Variants in RBL1 observed in about 807,000 individuals in gnomAD.
The protein encoded by RBL1 is retinoblastoma-like protein 1.
Under a neutral mutation model 123.0 loss-of-function variants are expected in RBL1, and 82 were observed. The observed-to-expected ratio is 0.67, with a 90% confidence interval of 0.56 to 0.80. The LOEUF (loss-of-function observed/expected upper bound fraction) is 0.80, where lower values mean the gene tolerates loss of function less well. Ranked by LOEUF, RBL1 falls within the 30% of genes least tolerant of loss-of-function variation. The pLI is 0.00. For synonymous variants in RBL1, 405 were observed against 441.3 expected, an observed-to-expected ratio of 0.92 and a Z score of 1.03; for missense variants, 1,171 against 1,299.6, an observed-to-expected ratio of 0.90 and a Z score of 1.52.
At chr20:37,034,440 C>T (rs1175751372) in intron 15 of RBL1, among the ~76,000 whole-genome samples, 2 of 151,672 alleles carry the variant, frequency 1.3e-5, no homozygotes, top group East Asian at 3.9e-4. Context: ...TTGCTCAATA[C>T]ATACATATTG....
At chr20:37,092,083 A>G (rs1415992920) in intron 1 of RBL1, among the ~76,000 whole-genome samples, 1 of 152,104 alleles carries the variant, frequency 6.6e-6, no homozygotes. Flanking sequence ...TCTCTACAAA[A>G]TACAAAAAAA....
intron 16 of RBL1, among the ~76,000 whole-genome samples, chr20:37,027,719 A>C (rs1051110906): frequency 3.9e-5 from 6 of 152,208 alleles, no homozygotes; most frequent in African/African-American, 1.2e-4. Flanking sequence ...AACTGGTCAT[A>C]TGCTAATTTA....
chr20:37,057,004 T>TCTATCTAC (rs1266917133), intron 9 of RBL1, among the ~76,000 whole-genome samples: 20 of 147,620 alleles, frequency 1.4e-4, no homozygotes, highest in South Asian at 2.2e-4. Flanking sequence ...TATCTATCTA[T>TCTATCTAC]CTACCTACCT....
In RBL1 at chr20:37,095,975, TCCCTC is replaced by T. The variant is rs1272687217; in HGVS notation, c.-52_-48del. ...CGCGCCACGGCCCCCGACTTCTTTC[TCCCTC>T]CCAGGCGCGCTACCCACAACCACCT... On this transcript the variant is annotated 5_prime_UTR_variant, in exon 1 of 22. Coordinates refer to ENST00000373664, the MANE Select transcript of RBL1 (RefSeq NM_002895.5). 1 of 1,419,648 alleles carries T rather than the reference TCCCTC, an allele frequency of 7.0e-7. No individual in the cohort carries two copies. Among genetic ancestry groups the T allele is most frequent in the Non-Finnish European group, 9.3e-7 (1 of 1,071,022 alleles). 87.9% of individuals were successfully genotyped at this position (1,419,648 alleles called of 1,614,324 possible). A position where few individuals can be genotyped will look rare whatever the true frequency, so the allele number is the denominator to read the frequency against.
In RBL1 at chr20:37,056,405, A is replaced by C. The variant is rs186893780; in HGVS notation, c.1251-147T>G. 711 of 1,265,724 alleles carry C rather than the reference A, an allele frequency of 5.6e-4. 10 individuals are homozygous for C. In the African/African-American group the frequency reaches 0.012, roughly 21 times the overall value. The allele number at this position is 1,265,724 out of a possible 1,614,324, so 78.4% of individuals were successfully genotyped here. A position where few individuals can be genotyped will look rare whatever the true frequency, so the allele number is the denominator to read the frequency against. On this transcript the variant is annotated intron_variant, in intron 9 of 21. Transcript: ENST00000373664. ...AGTCTCGCTCTGTAACCCAGGCTGGAGTGCAGTGGTGCGATCTCAGTTCAC... is the reference window on the plus strand; with the variant it reads ...AGTCTCGCTCTGTAACCCAGGCTGGCGTGCAGTGGTGCGATCTCAGTTCAC...
At chr20:37,056,351 C>CTTTTT (rs199931898) in intron 9 of RBL1, 93 bp from the exon 10 acceptor site, 71 of 971,924 alleles carry the variant, frequency 7.3e-5, no homozygotes, top group Middle Eastern at 4.7e-4. Context: ...CCTTCTTCTT[C>CTTTTT]TTTTTTTTTT....
intron 21 of RBL1, among the ~76,000 whole-genome samples, chr20:37,000,328 AG>A (rs2063948600): frequency 1.3e-5 from 2 of 149,606 alleles, no homozygotes; most frequent in African/African-American, 2.5e-5. Context: ...GGTGGGGGTC[AG>A]CCCCCCACCC....
At chr20:37,068,880 G>A (rs997021075) in intron 2 of RBL1, among the ~76,000 whole-genome samples, 11 of 152,242 alleles carry the variant, frequency 7.2e-5, no homozygotes, top group Admixed American at 1.3e-4. Context: ...CTCTTTCCAC[G>A]GTCTCCCTCT....
rs184657556 is a variant in RBL1, at chr20:37,048,275, C to T, written c.1468-1085G>A. ...GTGGGTGATCTGAAAGTCTTAGGAT[C>T]CTCAGGTCCCCACACAACCCCCACT... On this transcript the variant is annotated intron_variant, in intron 11 of 21. Coordinates refer to ENST00000373664, the MANE Select transcript of RBL1 (RefSeq NM_002895.5). 3.9e-5 allele frequency among the ~76,000 whole-genome samples: 6 copies of T among 152,226 alleles called. No individual in the cohort carries two copies. In the East Asian group the frequency reaches 1.2e-3, roughly 29 times the overall value.
At chr20:37,043,372 A>T (rs2064765696) in intron 13 of RBL1, among the ~76,000 whole-genome samples, 1 of 151,458 alleles carries the variant, frequency 6.6e-6, no homozygotes, top group Non-Finnish European at 1.5e-5. Flanking sequence ...GGGTGCCTAT[A>T]ATCCCAGCTA....
chr20:37,083,187 G>T (rs1020574056), intron 2 of RBL1, among the ~76,000 whole-genome samples: 1 of 152,026 alleles, frequency 6.6e-6, no homozygotes, highest in African/African-American at 2.4e-5. Context: ...TTTGCGGAAG[G>T]CTGGGCGCGG....
rs150852134 is a variant in RBL1, at chr20:37,032,741, G to A, written c.2306C>T (p.Thr769Ile). ...IGASPKQTNL[T>I]KAQEVHSTGI... Reference sequence around the variant, plus strand: ...AGTTGAATGTACCTCTTGTGCTTTAGTCAGATTGGTCTGTTTTGGAGAAGC... The same window carrying A: ...AGTTGAATGTACCTCTTGTGCTTTAATCAGATTGGTCTGTTTTGGAGAAGC... The change falls in exon 16 of 22, where the codon ACT (threonine) becomes ATT (isoleucine). Residue 769 changes from threonine (T) to isoleucine (I), a missense_variant. Physicochemically the swap from Thr to Ile is moderately conservative, Grantham distance 89. Coordinates refer to ENST00000373664, the MANE Select transcript of RBL1 (RefSeq NM_002895.5). The A allele has an allele frequency of 5.9e-5, 95 of 1,614,034 alleles. No homozygotes were observed. The African/African-American group carries it at 1.1e-3, about 19-fold the overall frequency.
At chr20:37,003,512 CAAT>C (rs761051130) in intron 21 of RBL1, 187 bp downstream of exon 21, 10 of 1,108,448 alleles carry the variant, frequency 9.0e-6, no homozygotes, top group Middle Eastern at 3.4e-4. Context: ...AATACCATGT[CAAT>C]AATAATGGAT....
chr20:37,045,081 C>CTTACTTATTTAT (rs1555857366), intron 12 of RBL1, among the ~76,000 whole-genome samples: 188 of 146,226 alleles, frequency 1.3e-3, no homozygotes, highest in African/African-American at 2.5e-3. Context: ...CATTTATTTA[C>CTTACTTATTTAT]TTATTTATTT....
intron 2 of RBL1, among the ~76,000 whole-genome samples, chr20:37,080,745 C>T (rs1166316671): frequency 6.6e-6 from 1 of 152,150 alleles, no homozygotes; most frequent in African/African-American, 2.4e-5. Flanking sequence ...AGGTGTGAGC[C>T]ACCACGCCTG....
intron 2 of RBL1, among the ~76,000 whole-genome samples, chr20:37,084,929 C>T (rs2065516078): frequency 6.6e-6 from 1 of 151,888 alleles, no homozygotes; most frequent in Non-Finnish European, 1.5e-5. Context: ...CCATGCCCGA[C>T]TAATTTTTTG....
At chr20:37,024,152 GA>G (rs2064386201) in intron 16 of RBL1, among the ~76,000 whole-genome samples, 2 of 152,042 alleles carry the variant, frequency 1.3e-5, no homozygotes, top group Non-Finnish European at 2.9e-5. Flanking sequence ...ATCTTTGGCA[GA>G]AAAATACCTA....
Position 37,089,044 on chromosome 20 carries a change from T to C in RBL1, c.235A>G (p.Ile79Val), listed in dbSNP as rs2065603263. ...AGTGAAACACAGTTGCCTTCCATGA[T>C]ACCCTTTCCAACCGTGGGAATAATG... ...KSIIPTVGKGIMEGNCVSLTR... is the reference protein window; with the variant it reads ...KSIIPTVGKGVMEGNCVSLTR... The change falls in exon 2 of 22, where the codon ATC (isoleucine) becomes GTC (valine). Residue 79 changes from isoleucine (I) to valine (V), a missense_variant. Transcript: ENST00000373664. 2 of 1,612,794 alleles carry C rather than the reference T, an allele frequency of 1.2e-6. No homozygotes were observed. Among genetic ancestry groups the C allele is most frequent in the African/African-American group, 1.3e-5 (1 of 74,886 alleles).
chr20:37,082,498 A>T (rs80313647), intron 2 of RBL1, among the ~76,000 whole-genome samples: 113 of 150,422 alleles, frequency 7.5e-4, no homozygotes, highest in Non-Finnish European at 1.1e-3. Context: ...ACACACACAC[A>T]CTCTCTCTCT....
Sources: gnomAD v4.1 joint callset for allele counts (sites outside exome capture counted in the v4.1 genomes callset) on GRCh38, gnomAD v4.1.1 for gene constraint, MANE v1.5 for transcripts, NCBI Gene and HGNC (gene_info 2026-07-23, HGNC 2026-07-21) for gene names.